CSMD1: variants seen among roughly 807,000 people sequenced by gnomAD.
CSMD1 encodes CUB and Sushi multiple domains 1, also known as CUB and sushi domain-containing protein 1.
Under a neutral mutation model 417.5 loss-of-function variants are expected in CSMD1, and 213 were observed. The observed-to-expected ratio is 0.51, with a 90% CI of 0.46 to 0.57. CSMD1 has a LOEUF of 0.57. Ranked by LOEUF, CSMD1 falls within the 20% of genes least tolerant of loss-of-function variation. CSMD1 has a pLI of 0.00. For synonymous variants in CSMD1, 2,862 were observed against 1,736.8 expected (o/e 1.65, Z -16.11); for missense variants, 6,923 against 4,529.7 (o/e 1.53, Z -15.17).
chr8:4,734,761 T>A (rs575849444), intron 1 of CSMD1, among the ~76,000 whole-genome samples: 2 of 152,334 alleles, frequency 1.3e-5, no homozygotes, highest in East Asian at 3.9e-4. Flanking sequence ...TCTTTGAAGA[T>A]GTTCTGCTCA....
At chr8:4,027,418 G>C (rs1190237087) in intron 4 of CSMD1, among the ~76,000 whole-genome samples, 1 of 152,102 alleles carries the variant, frequency 6.6e-6, no homozygotes, top group Non-Finnish European at 1.5e-5. Flanking sequence ...CATTGTGGGA[G>C]GTGATTAGAT....
At position 3,190,005 on chromosome 8, in the gene CSMD1, G is replaced by C. The variant is rs371531845; in HGVS notation, c.5305C>G (p.Pro1769Ala). 12 of 1,598,482 alleles carry C rather than the reference G, an allele frequency of 7.5e-6. No individual in the cohort carries two copies. The African/African-American group carries it at 1.3e-4, about 18-fold the overall frequency. Residue 1769 changes from proline to alanine, a missense_variant, in exon 34 of 70, where the codon CCG (proline) becomes GCG (alanine). By Grantham distance (27) the Pro-to-Ala change is conservative. Transcript: ENST00000635120. Reference sequence around the variant, plus strand: ...GTGGAACCCTGAAGCAGGTATCCCGGGTTGCACTCGAATCGGACGATGGAG... The same window carrying C: ...GTGGAACCCTGAAGCAGGTATCCCGCGTTGCACTCGAATCGGACGATGGAG... Reference protein sequence around the residue: ...AGSIVRFECNPGYLLQGSTAL... With the variant: ...AGSIVRFECNAGYLLQGSTAL...
intron 1 of CSMD1, among the ~76,000 whole-genome samples, chr8:4,699,190 T>A (rs1807350504): frequency 6.6e-6 from 1 of 152,234 alleles, no homozygotes; most frequent in Non-Finnish European, 1.5e-5. Context: ...CAAAGCCTGC[T>A]AAGTATGTAA....
intron 10 of CSMD1, among the ~76,000 whole-genome samples, chr8:3,556,650 G>C (rs1419357294): frequency 6.6e-6 from 1 of 151,624 alleles, no homozygotes; most frequent in Non-Finnish European, 1.5e-5. Context: ...TGTGCCACCT[G>C]TTAACGAGGA....
chr8:4,637,542 G>A lies in CSMD1; in HGVS notation c.102C>T (p.Gly34=), dbSNP rs779345901. ...TAGTGCCATTGGGACCCTGGACTAA[G>A]CCTCCACAGTTCTGACCTGGAAGAG... is the stretch of plus-strand genomic sequence containing the variant. ...LTAAKGQNCG[G]LVQGPNGTIE... is the part of the protein sequence containing the mutation. Residue 34 remains glycine, a synonymous_variant, in exon 2 of 70, where the codon GGC becomes GGT. Transcript: ENST00000635120. The A allele has an allele frequency of 8.1e-6, 13 of 1,596,602 alleles. No homozygotes were observed. Among genetic ancestry groups the A allele is most frequent in the South Asian group, 1.1e-5 (1 of 90,798 alleles).
intron 1 of CSMD1, among the ~76,000 whole-genome samples, chr8:4,745,441 G>T (rs996213974): frequency 6.6e-6 from 1 of 152,120 alleles, no homozygotes; most frequent in Admixed American, 6.5e-5. Context: ...GTATAGTATT[G>T]AAAGAAAGCT....
At chr8:3,889,920 T>C (rs183025006) in intron 5 of CSMD1, among the ~76,000 whole-genome samples, 1 of 152,154 alleles carries the variant, frequency 6.6e-6, no homozygotes, top group African/African-American at 2.4e-5. Context: ...TAATGCCACA[T>C]GCCCGTAGTC....
intron 3 of CSMD1, among the ~76,000 whole-genome samples, chr8:4,198,149 G>T (rs920093377): frequency 6.6e-6 from 1 of 152,212 alleles, no homozygotes; most frequent in Non-Finnish European, 1.5e-5. Context: ...CTTAAATGAT[G>T]ATCAGCAGTC....
intron 1 of CSMD1, among the ~76,000 whole-genome samples, chr8:4,810,395 C>A (rs747131723): frequency 2.6e-5 from 4 of 152,104 alleles, no homozygotes; most frequent in South Asian, 2.1e-4. Flanking sequence ...CCATTCATAA[C>A]GTGATTGTAC....
intron 3 of CSMD1, among the ~76,000 whole-genome samples, chr8:4,126,870 C>G (rs1049538627): frequency 7.2e-5 from 11 of 152,110 alleles, no homozygotes; most frequent in South Asian, 2.1e-4. Flanking sequence ...AGTCCCAGGA[C>G]CACAGCATCT....
intron 5 of CSMD1, among the ~76,000 whole-genome samples, chr8:3,844,423 A>G (rs1446159726): frequency 6.6e-6 from 1 of 152,166 alleles, no homozygotes; most frequent in Non-Finnish European, 1.5e-5. Flanking sequence ...TAATTCTAGA[A>G]CCTTTACACT....
intron 12 of CSMD1, among the ~76,000 whole-genome samples, chr8:3,439,510 T>C (rs916297556): frequency 1.3e-5 from 2 of 149,704 alleles, no homozygotes; most frequent in Non-Finnish European, 3.0e-5. Flanking sequence ...TGTGTGTCTG[T>C]GTGTGTGTGT....
intron 30 of CSMD1, among the ~76,000 whole-genome samples, chr8:3,209,269 ATTT>A (rs1384011136): frequency 6.9e-5 from 10 of 145,884 alleles, no homozygotes; most frequent in Non-Finnish European, 6.0e-5. Flanking sequence ...TATGGATAGA[ATTT>A]TTATTTATTT....
At chr8:4,426,310 TAA>T (rs1047715903) in intron 2 of CSMD1, among the ~76,000 whole-genome samples, 49 of 151,482 alleles carry the variant, frequency 3.2e-4, no homozygotes, top group African/African-American at 8.7e-4. Context: ...GTTGTAGATA[TAA>T]AAAGTTTTTT....
At chr8:4,470,702 A>C (rs1020402667) in intron 2 of CSMD1, among the ~76,000 whole-genome samples, 4 of 152,218 alleles carry the variant, frequency 2.6e-5, no homozygotes, top group Admixed American at 2.0e-4. Context: ...ACGAAAGAGT[A>C]AAGACAAAAA....
intron 1 of CSMD1, among the ~76,000 whole-genome samples, chr8:4,894,268 T>C (rs188975768): frequency 6.6e-6 from 1 of 152,086 alleles, no homozygotes; most frequent in Non-Finnish European, 1.5e-5. Flanking sequence ...CTATCAAGTC[T>C]TTTGTTTTGC....
chr8:3,533,266 A>G (rs754178286), intron 10 of CSMD1, among the ~76,000 whole-genome samples: 9 of 152,180 alleles, frequency 5.9e-5, no homozygotes, highest in Non-Finnish European at 1.2e-4. Context: ...CATGACATCT[A>G]CCTCTTACAA....
At chr8:3,429,188 A>T (rs748062709) in intron 12 of CSMD1, among the ~76,000 whole-genome samples, 9 of 152,074 alleles carry the variant, frequency 5.9e-5, no homozygotes, top group Non-Finnish European at 8.8e-5. Flanking sequence ...GAGGATTTTC[A>T]ATGTTTTTAC....
intron 1 of CSMD1, among the ~76,000 whole-genome samples, chr8:4,713,405 T>A (rs960461336): frequency 6.6e-6 from 1 of 151,890 alleles, no homozygotes; most frequent in Non-Finnish European, 1.5e-5. Context: ...TTTTGTTTTG[T>A]TTTGTTTTGT....
Sources: allele counts gnomAD v4.1 joint callset (sites outside exome capture counted in the v4.1 genomes callset), GRCh38; gene constraint gnomAD v4.1.1; transcripts MANE v1.5; gene names NCBI Gene and HGNC (gene_info 2026-07-23, HGNC 2026-07-21).